Variants in HHLA1 observed in about 807,000 individuals in gnomAD.
The protein encoded by HHLA1 is HHLA1 neighbor of OC90, also known as HERV-H LTR-associating protein 1.
Under a neutral mutation model 69.9 loss-of-function variants are expected in HHLA1, and 72 were observed. The observed-to-expected ratio is 1.03, with a 90% CI of 0.85 to 1.25. The LOEUF is 1.25. Ranked by LOEUF, HHLA1 falls within the 50% of genes most tolerant of loss-of-function variation. The pLI is 0.00. For missense variants in HHLA1, 685 were observed against 642.2 expected (o/e 1.07, Z -0.72); for synonymous variants, 252 against 233.2 (o/e 1.08, Z -0.73).
intron 13 of HHLA1, 29 bp downstream of exon 13, chr8:132,076,446 A>ACC: frequency 1.2e-6 from 1 of 832,716 alleles, no homozygotes. Flanking sequence ...CCCACCCCCA[A>ACC]ACCCCCACTT....
At chr8:132,084,306 A>G (rs1329645168) in intron 10 of HHLA1, among the ~76,000 whole-genome samples, 2 of 151,890 alleles carry the variant, frequency 1.3e-5, no homozygotes, top group African/African-American at 2.4e-5. Context: ...CTGGGGAGGA[A>G]GGGAGAGGTC....
At chr8:132,102,550 C>T (rs773636430) in intron 3 of HHLA1, among the ~76,000 whole-genome samples, 6 of 152,218 alleles carry the variant, frequency 3.9e-5, no homozygotes, top group Non-Finnish European at 8.8e-5. Context: ...CTCAGGCACC[C>T]GTGTGGCACT....
intron 7 of HHLA1, among the ~76,000 whole-genome samples, chr8:132,093,852 C>T (rs757927672): frequency 6.6e-6 from 1 of 152,148 alleles, no homozygotes; most frequent in Non-Finnish European, 1.5e-5. Context: ...TTTTTCCTCA[C>T]AAATGTATTT....
chr8:132,080,333 G>T (rs1823728692), intron 10 of HHLA1: 2 of 358,542 alleles, frequency 5.6e-6, no homozygotes, highest in African/African-American at 2.2e-5. Context: ...AGTCCGAAAA[G>T]AGAGTCAGTG....
At chr8:132,087,965 G>T in intron 8 of HHLA1, 64 bp from the exon 9 acceptor site, 1 of 1,276,010 alleles carries the variant, frequency 7.8e-7, no homozygotes, top group South Asian at 1.3e-5. Context: ...GTCTTTGATT[G>T]AAATGAAAAT....
At chr8:132,089,059 T>C (rs1188202965) in intron 8 of HHLA1, among the ~76,000 whole-genome samples, 2 of 152,234 alleles carry the variant, frequency 1.3e-5, no homozygotes, top group African/African-American at 4.8e-5. Flanking sequence ...AAATGTGATT[T>C]TCCTGGGGGT....
chr8:132,076,688 T>TAAG (rs532521729), intron 12 of HHLA1, 145 bp from the exon 13 acceptor site: 1 of 501,750 alleles, frequency 2.0e-6, no homozygotes, highest in Non-Finnish European at 3.5e-6. Flanking sequence ...CAGAGATGAG[T>TAAG]AAGAAATAAA....
chr8:132,105,649 A>AC (rs1265527369), intron 1 of HHLA1, among the ~76,000 whole-genome samples: 9 of 152,188 alleles, frequency 5.9e-5, no homozygotes, highest in African/African-American at 9.6e-5. Context: ...GGGATTATGC[A>AC]CCAACTCTTA....
intron 3 of HHLA1, among the ~76,000 whole-genome samples, chr8:132,102,773 ATCT>A (rs1292030072): frequency 1.4e-5 from 2 of 147,406 alleles, no homozygotes; most frequent in African/African-American, 2.5e-5. Context: ...GCCCTGTGTC[ATCT>A]TCTTCACTGA....
At chr8:132,078,264 G>A (rs1196030630) in intron 11 of HHLA1, among the ~76,000 whole-genome samples, 3 of 151,544 alleles carry the variant, frequency 2.0e-5, no homozygotes, top group Non-Finnish European at 4.4e-5. Flanking sequence ...TCAGTTAGCT[G>A]TCTCTCAAAT....
At chr8:132,068,791 A>G (rs1823482163) in intron 15 of HHLA1, among the ~76,000 whole-genome samples, 1 of 152,198 alleles carries the variant, frequency 6.6e-6, no homozygotes, top group Non-Finnish European at 1.5e-5. Flanking sequence ...GTAAGTCACC[A>G]GGGACTGTGG....
intron 7 of HHLA1, among the ~76,000 whole-genome samples, chr8:132,090,468 C>T (rs1765319325): frequency 6.6e-6 from 1 of 152,184 alleles, no homozygotes; most frequent in African/African-American, 2.4e-5. Context: ...TCCTTTCACT[C>T]ATTAATGGGA....
intron 7 of HHLA1, among the ~76,000 whole-genome samples, chr8:132,094,398 A>C (rs550875413): frequency 6.6e-6 from 1 of 152,108 alleles, no homozygotes; most frequent in Non-Finnish European, 1.5e-5. Flanking sequence ...TTAAACTTCT[A>C]TATGATCTGC....
At position 132,076,603 on chromosome 8, in the gene HHLA1, G is replaced by A. The variant is rs915847585; in HGVS notation, c.1172-60C>T. On this transcript the variant is annotated intron_variant, in intron 12 of 16. Transcript: ENST00000414222. ...TCTTCTAGGGGGCCCTGAGGGAGAA[G>A]ATGACCAGGGCCACCTATCCTGCCC... 6.1e-5 allele frequency: 71 copies of A among 1,166,722 alleles called. No homozygotes were observed. In the African/African-American group the frequency reaches 1.1e-3, roughly 19 times the overall value. The allele number at this position is 1,166,722 out of a possible 1,614,324, so 72.3% of individuals were successfully genotyped here.
chr8:132,074,521 T>C (rs1823601905), intron 14 of HHLA1, among the ~76,000 whole-genome samples: 1 of 152,210 alleles, frequency 6.6e-6, no homozygotes, highest in African/African-American at 2.4e-5. Flanking sequence ...AGGCCTAGCA[T>C]AGTACCTGGC....
At chr8:132,070,436 G>A in intron 15 of HHLA1, 1 of 697,660 alleles carries the variant, frequency 1.4e-6, no homozygotes, top group Non-Finnish European at 2.6e-6. Flanking sequence ...ATCTCGCCAG[G>A]CTGAGGGCAT....
chr8:132,077,189 C>T (rs999613218), intron 12 of HHLA1, among the ~76,000 whole-genome samples: 5 of 152,126 alleles, frequency 3.3e-5, no homozygotes, highest in African/African-American at 7.2e-5. Context: ...GAGGCACAGG[C>T]GATGGACACC....
intron 10 of HHLA1, chr8:132,085,275 C>G (rs1476533604): frequency 1.1e-5 from 2 of 178,070 alleles, no homozygotes; most frequent in East Asian, 3.6e-4. Context: ...TCCTTTGCCT[C>G]TACCAGAAAA....
chr8:132,082,323 G>A (rs192013897), intron 10 of HHLA1, among the ~76,000 whole-genome samples: 3,792 of 152,290 alleles, frequency 0.025, 159 homozygotes, highest in African/African-American at 0.086. Flanking sequence ...GCCGCTGCAC[G>A]CAGACATGAG....
Sources: gnomAD v4.1 joint callset for allele counts (sites outside exome capture counted in the v4.1 genomes callset) on GRCh38, gnomAD v4.1.1 for gene constraint, MANE v1.5 for transcripts, NCBI Gene and HGNC (gene_info 2026-07-23, HGNC 2026-07-21) for gene names.